Variants in CNTNAP5 observed in about 807,000 individuals in gnomAD.
CNTNAP5 encodes the protein contactin-associated protein-like 5.
CNTNAP5 carries 72 observed loss-of-function variants against 150.2 expected under a neutral mutation model. The observed-to-expected ratio is 0.48, with a 90% CI of 0.40 to 0.58. The LOEUF (loss-of-function observed/expected upper bound fraction) is 0.58, where lower values mean the gene tolerates loss of function less well. CNTNAP5 is among the 20% of genes least tolerant of loss of function. The pLI is 0.00. For missense variants in CNTNAP5, 1,636 were observed against 1,626.2 expected, an observed-to-expected ratio of 1.01 and a Z score of -0.10; for synonymous variants, 672 against 619.8, an observed-to-expected ratio of 1.08 and a Z score of -1.25.
At chr2:124,642,538 T>C (rs1166173094) in intron 12 of CNTNAP5, among the ~76,000 whole-genome samples, 1 of 152,164 alleles carries the variant, frequency 6.6e-6, no homozygotes, top group Non-Finnish European at 1.5e-5. Flanking sequence ...ACCTTGGAAG[T>C]TCTCAAGGAA....
chr2:124,458,926 G>A (rs1254655855), intron 6 of CNTNAP5, among the ~76,000 whole-genome samples: 1 of 152,028 alleles, frequency 6.6e-6, no homozygotes, highest in Non-Finnish European at 1.5e-5. Flanking sequence ...ATGTTGACAT[G>A]GAAGAAAACA....
chr2:124,396,796 C>G (rs570479023), intron 3 of CNTNAP5, among the ~76,000 whole-genome samples: 416 of 152,248 alleles, frequency 2.7e-3, no homozygotes, highest in Non-Finnish European at 4.6e-3. Flanking sequence ...CCTCTGCTAA[C>G]CTGTCAACAA....
intron 13 of CNTNAP5, among the ~76,000 whole-genome samples, chr2:124,683,183 G>A (rs991531642): frequency 2.0e-5 from 3 of 152,122 alleles, no homozygotes; most frequent in Admixed American, 6.5e-5. Context: ...CAGCTGTTGG[G>A]GGAGCCGTGT....
chr2:124,655,981 A>AAGAC (rs1678443179), intron 13 of CNTNAP5, among the ~76,000 whole-genome samples: 1 of 149,000 alleles, frequency 6.7e-6, no homozygotes, highest in Non-Finnish European at 1.5e-5. Context: ...GAAAGAAAGA[A>AAGAC]AGAAAGAAAG....
chr2:124,400,077 C>T (rs1243259670), intron 3 of CNTNAP5, among the ~76,000 whole-genome samples: 2 of 151,438 alleles, frequency 1.3e-5, no homozygotes, highest in Non-Finnish European at 2.9e-5. Context: ...AGCACTATTC[C>T]CTCAAGATGC....
intron 3 of CNTNAP5, among the ~76,000 whole-genome samples, chr2:124,392,403 G>C (rs768200393): frequency 5.3e-5 from 8 of 152,056 alleles, no homozygotes; most frequent in Non-Finnish European, 8.8e-5. Context: ...CAAATCTCTA[G>C]GAGTAGGTCA....
At chr2:124,479,866 C>A (rs1350720977) in intron 7 of CNTNAP5, among the ~76,000 whole-genome samples, 1 of 152,084 alleles carries the variant, frequency 6.6e-6, no homozygotes, top group East Asian at 1.9e-4. Flanking sequence ...AACTTCAGTA[C>A]CCTCATACAT....
chr2:124,442,899 C>T (rs1178754258), intron 5 of CNTNAP5, among the ~76,000 whole-genome samples: 1 of 152,208 alleles, frequency 6.6e-6, no homozygotes, highest in East Asian at 1.9e-4. Context: ...TTCAGAAATG[C>T]ACTTTTTTAA....
chr2:124,588,436 G>A lies in CNTNAP5; in HGVS notation c.1757-21365G>A, dbSNP rs75572032. ...AGCTCAGAGTATGCCAATTGTCGTC[G>A]GTCTGAGGAACATACTCAGGGAACC... On this transcript the variant is annotated intron_variant, in intron 11 of 23. Transcript: ENST00000682447. 5.9e-3 allele frequency among the ~76,000 whole-genome samples: 900 copies of A among 151,598 alleles called. 13 individuals are homozygous for A. Among genetic ancestry groups the A allele is most frequent in the East Asian group, 0.051 (259 of 5,110 alleles).
chr2:124,219,451 C>T (rs960141320), intron 1 of CNTNAP5, among the ~76,000 whole-genome samples: 1 of 152,044 alleles, frequency 6.6e-6, no homozygotes, highest in Non-Finnish European at 1.5e-5. Flanking sequence ...AAGTGGGTGT[C>T]AGAAAAGCTG....
At chr2:124,618,325 G>A (rs1204329804) in intron 12 of CNTNAP5, among the ~76,000 whole-genome samples, 1 of 152,144 alleles carries the variant, frequency 6.6e-6, no homozygotes, top group Non-Finnish European at 1.5e-5. Context: ...CAGCATGCAT[G>A]GACCTTAGCA....
intron 3 of CNTNAP5, among the ~76,000 whole-genome samples, chr2:124,246,075 T>C (rs1687015064): frequency 6.6e-6 from 1 of 152,052 alleles, no homozygotes. Context: ...GTTCACCTGG[T>C]CTTCTGCGGA....
At chr2:124,824,211 C>A (rs559550628) in intron 19 of CNTNAP5, among the ~76,000 whole-genome samples, 1 of 152,156 alleles carries the variant, frequency 6.6e-6, no homozygotes, top group East Asian at 1.9e-4. Context: ...AGCTACCATG[C>A]CTGGCCCTTA....
At chr2:124,690,626 C>A (rs938801545) in intron 13 of CNTNAP5, among the ~76,000 whole-genome samples, 2 of 152,044 alleles carry the variant, frequency 1.3e-5, no homozygotes, top group Non-Finnish European at 2.9e-5. Flanking sequence ...CAGCCTCTCT[C>A]CTGCTATTCC....
intron 12 of CNTNAP5, among the ~76,000 whole-genome samples, chr2:124,622,684 C>T (rs958963855): frequency 1.3e-5 from 2 of 152,026 alleles, no homozygotes; most frequent in African/African-American, 4.8e-5. Context: ...CACGATATCT[C>T]ATTGGAAAAC....
chr2:124,032,283 A>AG (rs966745918), intron 1 of CNTNAP5, among the ~76,000 whole-genome samples: 2 of 152,104 alleles, frequency 1.3e-5, no homozygotes, highest in African/African-American at 2.4e-5. Flanking sequence ...GAGAAATGGG[A>AG]GGGGGGCAGT....
intron 3 of CNTNAP5, among the ~76,000 whole-genome samples, chr2:124,244,416 CTT>C (rs903073064): frequency 1.2e-4 from 19 of 152,114 alleles, no homozygotes; most frequent in Non-Finnish European, 2.5e-4. Context: ...GGGCAGGAGA[CTT>C]TCCCCATTCC....
At chr2:124,312,952 G>A (rs1052954518) in intron 3 of CNTNAP5, among the ~76,000 whole-genome samples, 2 of 152,098 alleles carry the variant, frequency 1.3e-5, no homozygotes, top group East Asian at 1.9e-4. Flanking sequence ...TAATCTGCCC[G>A]CCTTGGCTTC....
intron 13 of CNTNAP5, among the ~76,000 whole-genome samples, chr2:124,725,327 T>G (rs1680133139): frequency 6.6e-6 from 1 of 152,160 alleles, no homozygotes; most frequent in Non-Finnish European, 1.5e-5. Flanking sequence ...TGACAAAAAT[T>G]GTATATATAT....
Sources: allele counts gnomAD v4.1 joint callset (sites outside exome capture counted in the v4.1 genomes callset), GRCh38; gene constraint gnomAD v4.1.1; transcripts MANE v1.5; gene names NCBI Gene and HGNC (gene_info 2026-07-23, HGNC 2026-07-21).